The following WIPI2 variants were observed in gnomAD, a reference collection of about 807,000 sequenced individuals.
The protein encoded by WIPI2 is WD repeat domain, phosphoinositide interacting 2.
In WIPI2, 28 loss-of-function variants were observed where a neutral mutation model predicts 52.3. The observed-to-expected ratio is 0.54, with a 90% CI of 0.40 to 0.73. The LOEUF (loss-of-function observed/expected upper bound fraction) is 0.73, where lower values mean the gene tolerates loss of function less well. WIPI2 is among the 30% of genes least tolerant of loss of function. The pLI, the probability that WIPI2 is intolerant of heterozygous loss-of-function variation, is 0.00. For synonymous variants in WIPI2, 268 were observed against 245.0 expected (o/e 1.09, Z -0.88); for missense variants, 506 against 602.9 (o/e 0.84, Z 1.68).
intron 2 of WIPI2, 111 bp from the exon 3 acceptor site, chr7:5,199,465 G>A: frequency 2.4e-6 from 2 of 830,356 alleles, no homozygotes; most frequent in Non-Finnish European, 4.0e-6. Flanking sequence ...CTGATTTGTG[G>A]AGGGCACGCG....
intron 7 of WIPI2, among the ~76,000 whole-genome samples, chr7:5,220,356 C>A (rs1173497130): frequency 2.6e-5 from 4 of 151,886 alleles, no homozygotes; most frequent in Non-Finnish European, 4.4e-5. Flanking sequence ...AGTTCTCCTG[C>A]CGCAGCCTCC....
At chr7:5,202,211 T>G (rs1284688716) in intron 3 of WIPI2, among the ~76,000 whole-genome samples, 1 of 152,180 alleles carries the variant, frequency 6.6e-6, no homozygotes, top group Admixed American at 6.5e-5. Flanking sequence ...AAAAACAAGA[T>G]GGACAGCTAC....
intron 3 of WIPI2, among the ~76,000 whole-genome samples, chr7:5,206,743 C>A (rs927471674): frequency 2.6e-5 from 4 of 152,210 alleles, no homozygotes; most frequent in Admixed American, 6.5e-5. Flanking sequence ...AACACACACA[C>A]ACACACAGAC....
intron 3 of WIPI2, among the ~76,000 whole-genome samples, chr7:5,203,996 A>G (rs1009313382): frequency 5.3e-5 from 8 of 152,180 alleles, no homozygotes; most frequent in Non-Finnish European, 8.8e-5. Context: ...TCTTGAGTCA[A>G]TACATCTGTG....
chr7:5,200,920 C>T (rs1781995491), intron 3 of WIPI2, among the ~76,000 whole-genome samples: 1 of 152,232 alleles, frequency 6.6e-6, no homozygotes, highest in Non-Finnish European at 1.5e-5. Flanking sequence ...TGACTCATGG[C>T]TCCTGGTGGC....
chr7:5,191,202 A>G (rs182418626), intron 1 of WIPI2, among the ~76,000 whole-genome samples: 152 of 152,068 alleles, frequency 1.0e-3, no homozygotes, highest in Non-Finnish European at 1.8e-3. Flanking sequence ...TTGTATTTGT[A>G]GTAGAGACAG....
intron 3 of WIPI2, among the ~76,000 whole-genome samples, chr7:5,200,397 A>G (rs919229048): frequency 2.0e-5 from 3 of 152,194 alleles, no homozygotes; most frequent in African/African-American, 7.2e-5. Context: ...GAAATAATAC[A>G]GGTCCCTTGC....
rs1783686895 is a variant in WIPI2, at chr7:5,230,691, AG to A, written c.1253-143del. 4 of 516,322 alleles carry A rather than the reference AG, an allele frequency of 7.7e-6. No individual in the cohort carries two copies. In the South Asian group the frequency reaches 1.4e-4, roughly 18 times the overall value. The allele number at this position is 516,322 out of a possible 1,614,324, so 32.0% of individuals were successfully genotyped here. A position where few individuals can be genotyped will look rare whatever the true frequency, so the allele number is the denominator to read the frequency against. On this transcript the variant is annotated intron_variant, in intron 12 of 12. Transcript: ENST00000288828. This position sits in a 1 kb window ranked among gnomAD's most constrained non-coding sequence, Gnocchi z 4.8. ...TAAGGCTGCAAAGAGTTCATTAGAA[AG>A]CAATCAGAATTCAGAACGTCTTAGT...
intron 3 of WIPI2, among the ~76,000 whole-genome samples, chr7:5,211,466 CTG>C (rs1782558062): frequency 1.3e-5 from 2 of 152,166 alleles, no homozygotes; most frequent in Non-Finnish European, 2.9e-5. Flanking sequence ...AAGCAAAACT[CTG>C]TCTCAAAAAA....
At chr7:5,195,937 G>A (rs1449388063) in intron 2 of WIPI2, among the ~76,000 whole-genome samples, 1 of 152,040 alleles carries the variant, frequency 6.6e-6, no homozygotes, top group Non-Finnish European at 1.5e-5. Context: ...TGCTCGGGAC[G>A]CTGAGGCAGG....
At chr7:5,190,893 G>T (rs953635123) in intron 1 of WIPI2, 2 of 170,974 alleles carry the variant, frequency 1.2e-5, no homozygotes, top group Non-Finnish European at 2.5e-5. Context: ...TGCTTGCTCA[G>T]CGTCTCCCAC....
chr7:5,212,564 C>G (rs550723279), intron 3 of WIPI2, among the ~76,000 whole-genome samples: 1 of 152,178 alleles, frequency 6.6e-6, no homozygotes, highest in Admixed American at 6.5e-5. Flanking sequence ...GACAGGGTCT[C>G]GCTCTTTTGC....
chr7:5,216,973 A>G, intron 5 of WIPI2, 117 bp from the exon 6 acceptor site: 3 of 1,084,354 alleles, frequency 2.8e-6, no homozygotes, highest in Non-Finnish European at 4.0e-6. Flanking sequence ...ACAAGATTGT[A>G]TCCAAGCTAT....
intron 3 of WIPI2, among the ~76,000 whole-genome samples, chr7:5,208,081 G>A (rs750358468): frequency 3.3e-5 from 5 of 152,040 alleles, no homozygotes; most frequent in African/African-American, 4.8e-5. Flanking sequence ...ACCAACTTTT[G>A]ATATTACTAG....
At chr7:5,215,139 C>T (rs1237396550) in intron 4 of WIPI2, among the ~76,000 whole-genome samples, 6 of 152,170 alleles carry the variant, frequency 3.9e-5, no homozygotes, top group African/African-American at 1.2e-4. Context: ...GATGAAACCC[C>T]GTCTCTACTA....
Position 5,205,222 on chromosome 7 carries a change from C to T in WIPI2, c.211+5564C>T, listed in dbSNP as rs563849999. On this transcript the variant is annotated intron_variant, in intron 3 of 12. Transcript: ENST00000288828. ...AACTCCTGACCTCAGGTTATCCATC[C>T]GCCTCAGCTTCCCAAAGTGCTGGGA... Among the ~76,000 whole-genome samples the T allele has an allele frequency of 2.0e-4, 30 of 152,140 alleles. No homozygotes were observed. In the East Asian group the frequency reaches 5.6e-3, roughly 29 times the overall value.
At chr7:5,229,509 G>A in intron 11 of WIPI2, 99 bp from the exon 12 acceptor site, 1 of 1,441,034 alleles carries the variant, frequency 6.9e-7, no homozygotes, top group South Asian at 1.3e-5. Flanking sequence ...TGTGTGGTGA[G>A]TGGTGTGCTG....
intron 9 of WIPI2, chr7:5,226,539 GAC>G (rs1562407876): frequency 6.5e-6 from 1 of 153,170 alleles, no homozygotes; most frequent in East Asian, 1.9e-4. Flanking sequence ...ATTTTGTAGA[GAC>G]AGAATTTCGC....
Position 5,231,334 on chromosome 7 carries a change from C to T in WIPI2, c.*387C>T, listed in dbSNP as rs551946469. The T allele has an allele frequency of 1.2e-5, 2 of 165,170 alleles. No individual in the cohort carries two copies. Among genetic ancestry groups the T allele is most frequent in the Non-Finnish European group, 2.6e-5 (2 of 76,388 alleles). 10.2% of individuals were successfully genotyped at this position (165,170 alleles called of 1,614,324 possible). On this transcript the variant is annotated 3_prime_UTR_variant, in exon 13 of 13. Transcript: ENST00000288828. ...TCATATCTGTACATAATGCCGAGTG[C>T]GTAAGGAAACCGTGGCGTCGCGCAC... is the stretch of plus-strand genomic sequence containing the variant.
Sources: gnomAD v4.1 joint callset for allele counts (sites outside exome capture counted in the v4.1 genomes callset) on GRCh38, gnomAD v4.1.1 for gene constraint, Gnocchi (gnomAD v3.1) non-coding constraint, MANE v1.5 for transcripts, NCBI Gene and HGNC (gene_info 2026-07-23, HGNC 2026-07-21) for gene names.